PTPRE: variants seen among roughly 807,000 people sequenced by gnomAD.
The protein encoded by PTPRE is protein tyrosine phosphatase receptor type E.
In PTPRE, 51 loss-of-function variants were observed where a neutral mutation model predicts 102.0. That is an observed-to-expected ratio of 0.50 (90% CI 0.40 to 0.63). PTPRE has a LOEUF of 0.63. Among genes scored for constraint, PTPRE ranks in the 30% least tolerant of loss-of-function variants. The pLI, the probability that PTPRE is intolerant of heterozygous loss-of-function variation, is 0.00. For missense variants in PTPRE, 752 were observed against 915.1 expected (o/e 0.82, Z 2.30); for synonymous variants, 345 against 348.2 (o/e 0.99, Z 0.10).
chr10:128,055,920 G>T (rs1306408178), intron 6 of PTPRE, among the ~76,000 whole-genome samples: 1 of 152,180 alleles, frequency 6.6e-6, no homozygotes, highest in Non-Finnish European at 1.5e-5. Context: ...CCACATGAAA[G>T]AGCACCCTGG....
intron 2 of PTPRE, 50 bp from the exon 3 acceptor site, chr10:128,040,825 C>T: frequency 6.9e-7 from 1 of 1,456,966 alleles, no homozygotes; most frequent in Non-Finnish European, 9.6e-7. Context: ...ACCGGAGGGT[C>T]CCACAGCTGC....
rs753512451 is a variant in PTPRE, at chr10:128,070,777, A to G, written c.1294-31A>G. 137 of 1,596,492 alleles carry G rather than the reference A, an allele frequency of 8.6e-5. No individual in the cohort carries two copies. The highest frequency in any genetic ancestry group is 1.2e-4 in the Non-Finnish European group (134 of 1,164,490). On this transcript the variant is annotated intron_variant, in intron 14 of 20. Transcript: ENST00000254667. The surrounding 1 kb of genome is among the most constrained non-coding windows in gnomAD (Gnocchi z 4.8). ...ATGTGCTCAGGAGTGTCAGAGGTTT[A>G]ACTGTGTCATTATATCCTTCTCTGC...
rs997133887 is a variant in PTPRE at position 128,073,203 on chromosome 10, T to G, written c.1465-134T>G. On this transcript the variant is annotated intron_variant, in intron 16 of 20. Coordinates refer to ENST00000254667, the MANE Select transcript of PTPRE (RefSeq NM_006504.6). ...TGTGTGCCTGAGTGCTCGTGCCAAC[T>G]GGGGTCTGGTGCAGACCATGGAGGA... The G allele has an allele frequency of 3.2e-6, 4 of 1,235,154 alleles. No homozygotes were observed. The Admixed American group carries it at 1.0e-4, about 32-fold the overall frequency. The allele number at this position is 1,235,154 out of a possible 1,614,324, so 76.5% of individuals were successfully genotyped here. A position where few individuals can be genotyped will look rare whatever the true frequency, so the allele number is the denominator to read the frequency against.
intron 7 of PTPRE, among the ~76,000 whole-genome samples, chr10:128,059,623 C>T (rs1196765845): frequency 6.6e-6 from 1 of 152,166 alleles, no homozygotes; most frequent in African/African-American, 2.4e-5. Context: ...GACTCTGTGC[C>T]CAGTGCAGCA....
chr10:128,072,608 C>T (rs532254489), intron 16 of PTPRE: 1 of 134,308 alleles, frequency 7.4e-6, no homozygotes, highest in South Asian at 2.1e-4. Context: ...GCTGAGATTA[C>T]ACCACTGTAC....
At chr10:127,962,714 G>C (rs547782776) in intron 1 of PTPRE, among the ~76,000 whole-genome samples, 9 of 152,382 alleles carry the variant, frequency 5.9e-5, no homozygotes, top group African/African-American at 2.2e-4. Flanking sequence ...GCAGTGTCTG[G>C]AGACAGGTTG....
At chr10:128,071,904 G>A (rs1850802980) in intron 15 of PTPRE, 4 of 497,874 alleles carry the variant, frequency 8.0e-6, no homozygotes, top group Admixed American at 3.5e-5. Context: ...GTATTATATC[G>A]ATTCCTGAAA....
chr10:127,938,461 T>A (rs1479592195), intron 1 of PTPRE, among the ~76,000 whole-genome samples: 5 of 151,922 alleles, frequency 3.3e-5, no homozygotes. Flanking sequence ...GGCAGCTGGG[T>A]GCAGTGGTGT....
chr10:127,955,250 C>T (rs775157161), intron 1 of PTPRE, among the ~76,000 whole-genome samples: 1 of 152,044 alleles, frequency 6.6e-6, no homozygotes, highest in Non-Finnish European at 1.5e-5. Context: ...GATAAAGAAC[C>T]ATGACTATCA....
intron 10 of PTPRE, 62 bp from the exon 11 acceptor site, chr10:128,066,013 G>A: frequency 3.7e-6 from 6 of 1,612,512 alleles, no homozygotes; most frequent in African/African-American, 1.3e-5. Flanking sequence ...AGTTGGGTGG[G>A]GGGATGTCAT....
At chr10:127,994,088 G>A (rs893368292) in intron 2 of PTPRE, among the ~76,000 whole-genome samples, 1 of 152,202 alleles carries the variant, frequency 6.6e-6, no homozygotes, top group Non-Finnish European at 1.5e-5. Context: ...ACATATGAAG[G>A]TAGCAGTTAC....
chr10:128,011,225 G>A (rs930307646), intron 2 of PTPRE, among the ~76,000 whole-genome samples: 6 of 152,180 alleles, frequency 3.9e-5, no homozygotes, highest in African/African-American at 1.4e-4. Context: ...AAAATTCCAG[G>A]CTGGGACATG....
intron 6 of PTPRE, among the ~76,000 whole-genome samples, chr10:128,055,251 T>C (rs1590159727): frequency 6.6e-6 from 1 of 152,104 alleles, no homozygotes; most frequent in African/African-American, 2.4e-5. Flanking sequence ...TGTGGGGAGC[T>C]CACCTGAGCA....
At chr10:128,037,988 T>TG (rs1847367117) in intron 2 of PTPRE, among the ~76,000 whole-genome samples, 1 of 145,300 alleles carries the variant, frequency 6.9e-6, no homozygotes. Flanking sequence ...TTTGTATTTT[T>TG]AGTAGAGACA....
At position 127,923,960 on chromosome 10, in the gene PTPRE, A is replaced by G. The variant is rs112675368; in HGVS notation, c.-31+16651A>G. On this transcript the variant is annotated intron_variant, in intron 1 of 20. Transcript: ENST00000254667. ...GGAGTGATGTTCCCACAGAAGGCTT[A>G]AGCTGGAAAATATCCATGATGAGTC... is the stretch of plus-strand genomic sequence containing the variant. Among the ~76,000 whole-genome samples, 1,367 of 152,236 alleles carry G rather than the reference A, an allele frequency of 9.0e-3. 9 individuals carry two copies. Among genetic ancestry groups the G allele is most frequent in the Middle Eastern group, 0.024 (7 of 294 alleles).
At chr10:128,036,853 G>T (rs1459854386) in intron 2 of PTPRE, among the ~76,000 whole-genome samples, 1 of 152,156 alleles carries the variant, frequency 6.6e-6, no homozygotes, top group Non-Finnish European at 1.5e-5. Flanking sequence ...GGAGGTCTGG[G>T]ATGGTCCTGA....
intron 17 of PTPRE, among the ~76,000 whole-genome samples, chr10:128,075,361 T>A (rs923333749): frequency 6.6e-6 from 1 of 152,204 alleles, no homozygotes; most frequent in Middle Eastern, 3.2e-3. Context: ...TGCATGGTAG[T>A]TTGCTGCACC....
chr10:128,066,037 C>T, intron 10 of PTPRE, 38 bp from the exon 11 acceptor site: 1 of 1,614,090 alleles, frequency 6.2e-7, no homozygotes, highest in Non-Finnish European at 8.5e-7. Context: ...GCATTGCACC[C>T]ACAGATCTAT....
At chr10:128,067,905 G>A (rs1022195883) in intron 11 of PTPRE, among the ~76,000 whole-genome samples, 5 of 152,184 alleles carry the variant, frequency 3.3e-5, no homozygotes, top group African/African-American at 1.2e-4. Context: ...ATAGACGGTT[G>A]CTGCGGGCCC....
Sources: allele counts gnomAD v4.1 joint callset (sites outside exome capture counted in the v4.1 genomes callset), GRCh38; gene constraint gnomAD v4.1.1; non-coding constraint Gnocchi (gnomAD v3.1); transcripts MANE v1.5; gene names NCBI Gene and HGNC (gene_info 2026-07-23, HGNC 2026-07-21).